Variants in PRIMA1 observed in about 807,000 individuals in gnomAD.
The protein encoded by PRIMA1 is proline-rich membrane anchor 1.
PRIMA1 carries 7 observed loss-of-function variants against 17.5 expected under a neutral mutation model. The observed-to-expected ratio is 0.40, with a 90% CI of 0.23 to 0.75. PRIMA1 has a LOEUF of 0.75. Ranked by LOEUF, PRIMA1 falls within the 30% of genes least tolerant of loss-of-function variation. PRIMA1 has a pLI of 0.37. For synonymous variants in PRIMA1, 97 were observed against 77.9 expected, an observed-to-expected ratio of 1.25 and a Z score of -1.29; for missense variants, 200 against 201.8, an observed-to-expected ratio of 0.99 and a Z score of 0.05.
chr14:93,722,699 T>C (rs1208794040), intron 4 of PRIMA1, among the ~76,000 whole-genome samples: 9 of 5,076 alleles, frequency 1.8e-3, no homozygotes, highest in East Asian at 0.013. Context: ...GTAATGATGA[T>C]GATAGTGGTG....
intron 4 of PRIMA1, among the ~76,000 whole-genome samples, chr14:93,735,585 T>A (rs1476269631): frequency 1.3e-5 from 2 of 152,072 alleles, no homozygotes; most frequent in Admixed American, 1.3e-4. Flanking sequence ...TACCTCTTTG[T>A]ATGCCCACCA....
intron 3 of PRIMA1, among the ~76,000 whole-genome samples, chr14:93,754,116 A>G (rs1156967047): frequency 1.3e-5 from 2 of 152,210 alleles, no homozygotes. Flanking sequence ...TTGCTTAATA[A>G]AAACGTGATG....
At chr14:93,737,165 G>C (rs575945417) in intron 4 of PRIMA1, 76 bp downstream of exon 4, 1 of 1,405,378 alleles carries the variant, frequency 7.1e-7, no homozygotes, top group Admixed American at 2.0e-5. Context: ...ATAATGATAC[G>C]GGATGTGTGT....
intron 3 of PRIMA1, among the ~76,000 whole-genome samples, chr14:93,762,850 A>G (rs763987510): frequency 2.6e-5 from 4 of 152,070 alleles, no homozygotes; most frequent in Non-Finnish European, 5.9e-5. Flanking sequence ...ACTTCACTCC[A>G]GGCACATAGG....
chr14:93,758,594 CAAAAAAA>C (rs34329291), intron 3 of PRIMA1, among the ~76,000 whole-genome samples: 2 of 81,346 alleles, frequency 2.5e-5, no homozygotes, highest in African/African-American at 9.9e-5. Flanking sequence ...GCAAGACTCT[CAAAAAAA>C]AAAAAAAAAA....
At chr14:93,734,750 C>T (rs1004079545) in intron 4 of PRIMA1, among the ~76,000 whole-genome samples, 1 of 152,112 alleles carries the variant, frequency 6.6e-6, no homozygotes, top group Non-Finnish European at 1.5e-5. Context: ...GGTGGAGCCC[C>T]GCCCCTGCCC....
chr14:93,783,816 T>G (rs1472963680), intron 2 of PRIMA1, among the ~76,000 whole-genome samples: 1 of 152,058 alleles, frequency 6.6e-6, no homozygotes, highest in Non-Finnish European at 1.5e-5. Context: ...GTAGCAGAGG[T>G]CTGAGGGACA....
At chr14:93,728,207 T>C (rs1268610269) in intron 4 of PRIMA1, among the ~76,000 whole-genome samples, 3 of 152,178 alleles carry the variant, frequency 2.0e-5, no homozygotes, top group Non-Finnish European at 4.4e-5. Context: ...AACGGACTCA[T>C]ATGGCCCAAG....
At chr14:93,758,434 A>G (rs1310715467) in intron 3 of PRIMA1, among the ~76,000 whole-genome samples, 1 of 151,780 alleles carries the variant, frequency 6.6e-6, no homozygotes, top group African/African-American at 2.4e-5. Flanking sequence ...AAAAATACAA[A>G]AATTATTTTT....
intron 3 of PRIMA1, among the ~76,000 whole-genome samples, chr14:93,751,866 C>T (rs1281690220): frequency 6.6e-6 from 1 of 152,180 alleles, no homozygotes; most frequent in Non-Finnish European, 1.5e-5. Context: ...ATACAGTAGC[C>T]ACCAGCCACA....
chr14:93,756,489 C>A (rs865916862), intron 3 of PRIMA1, among the ~76,000 whole-genome samples: 2 of 152,286 alleles, frequency 1.3e-5, no homozygotes, highest in Middle Eastern at 3.4e-3. Context: ...GGGCGTCTTA[C>A]CCGAGGGTGG....
intron 3 of PRIMA1, among the ~76,000 whole-genome samples, chr14:93,763,918 C>T (rs904733939): frequency 6.6e-6 from 1 of 152,124 alleles, no homozygotes; most frequent in African/African-American, 2.4e-5. Context: ...CAGCCAATGC[C>T]TCCTCTGCTG....
At chr14:93,772,087 C>T (rs563189620) in intron 3 of PRIMA1, among the ~76,000 whole-genome samples, 2 of 152,356 alleles carry the variant, frequency 1.3e-5, no homozygotes, top group Middle Eastern at 3.4e-3. Context: ...GAGCTTCTCT[C>T]CAACAGTACT....
chr14:93,748,512 A>G (rs2076240786), intron 3 of PRIMA1, among the ~76,000 whole-genome samples: 1 of 152,164 alleles, frequency 6.6e-6, no homozygotes, highest in Non-Finnish European at 1.5e-5. Context: ...AGGGTGCAGG[A>G]GCAGTCCTGT....
chr14:93,772,605 C>T (rs1595221502), intron 3 of PRIMA1, among the ~76,000 whole-genome samples: 2 of 152,374 alleles, frequency 1.3e-5, no homozygotes, highest in East Asian at 3.9e-4. Flanking sequence ...CACAAGCAGG[C>T]CTCTAGCTCT....
chr14:93,788,715 T>C (rs1885606305), upstream of PRIMA1, among the ~76,000 whole-genome samples: 1 of 151,960 alleles, frequency 6.6e-6, no homozygotes, highest in Non-Finnish European at 1.5e-5. Context: ...GCGCGGTGGC[T>C]CCGGACTGCG....
rs139303171 is a variant in PRIMA1, at chr14:93,729,927, A to G, written c.359+7314T>C. Among the ~76,000 whole-genome samples the G allele has an allele frequency of 5.8e-3, 869 of 150,948 alleles. 8 individuals are homozygous for G. Among genetic ancestry groups the G allele is most frequent in the African/African-American group, 0.019 (796 of 41,016 alleles). ...TTGAGAGGGAGGGGGCAGGAATGGC[A>G]GGGGGCTGGGAAAACTGAAACTGGT... On this transcript the variant is annotated intron_variant, in intron 4 of 4. Transcript: ENST00000393140.
intron 3 of PRIMA1, among the ~76,000 whole-genome samples, chr14:93,775,301 T>A (rs1294814095): frequency 6.6e-6 from 1 of 152,206 alleles, no homozygotes. Context: ...GTGAACTCCA[T>A]GAGGGCAGGA....
chr14:93,776,111 G>A (rs1457499738), intron 3 of PRIMA1, among the ~76,000 whole-genome samples: 1 of 152,170 alleles, frequency 6.6e-6, no homozygotes, highest in African/African-American at 2.4e-5. Context: ...GAGCCAGCCT[G>A]AGAGAAAAGG....
Sources: allele counts gnomAD v4.1 joint callset (sites outside exome capture counted in the v4.1 genomes callset), GRCh38; gene constraint gnomAD v4.1.1; transcripts MANE v1.5; gene names NCBI Gene and HGNC (gene_info 2026-07-23, HGNC 2026-07-21).